The following CA1 variants were observed in gnomAD, a reference collection of about 807,000 sequenced individuals.
The protein encoded by CA1 is carbonic anhydrase 1.
CA1 carries 27 observed loss-of-function variants against 28.8 expected under a neutral mutation model. The ratio of observed to expected loss-of-function variants is 0.94; its 90% CI spans 0.69 to 1.29. CA1 has a LOEUF of 1.29. Ranked by LOEUF, CA1 falls within the 50% of genes most tolerant of loss-of-function variation. The pLI is 0.00. For synonymous variants in CA1, 121 were observed against 108.8 expected (o/e 1.11, Z -0.70); for missense variants, 335 against 310.5 (o/e 1.08, Z -0.59).
intron 1 of CA1, among the ~76,000 whole-genome samples, chr8:85,346,413 T>A (rs1437982147): frequency 6.6e-6 from 1 of 152,206 alleles, no homozygotes; most frequent in Non-Finnish European, 1.5e-5. Flanking sequence ...ATAATGACAC[T>A]ATTAAGTAAC....
At chr8:85,360,509 T>C (rs1459286367) in intron 1 of CA1, among the ~76,000 whole-genome samples, 1 of 151,996 alleles carries the variant, frequency 6.6e-6, no homozygotes, top group East Asian at 1.9e-4. Context: ...CCGGGCAACA[T>C]GGCAAAACCC....
In CA1 at chr8:85,344,081, G is replaced by GTATATATATATA. The variant is rs56308220; in HGVS notation, c.-24-2434_-24-2423dup. On this transcript the variant is annotated intron_variant, in intron 1 of 7. Coordinates refer to ENST00000523022, the MANE Select transcript of CA1 (RefSeq NM_001128831.4). ...CAGACTCTGCTCTTCTAAACTAAAA[G>GTATATATATATA]TATATATATATATATATACTTTTAA... Among the ~76,000 whole-genome samples the GTATATATATATA allele has an allele frequency of 3.0e-4, 38 of 128,572 alleles. 1 individual carries two copies. Among genetic ancestry groups the GTATATATATATA allele is most frequent in the East Asian group, 2.7e-3 (12 of 4,422 alleles). The allele number at this position is 128,572 out of a possible 152,430, so 84.3% of individuals were successfully genotyped here. A position where few individuals can be genotyped will look rare whatever the true frequency, so the allele number is the denominator to read the frequency against.
chr8:85,366,860 G>GTT (rs1376427889), intron 1 of CA1, among the ~76,000 whole-genome samples: 2 of 152,218 alleles, frequency 1.3e-5, no homozygotes, highest in African/African-American at 4.8e-5. Context: ...TGTAGTCAGT[G>GTT]AAGAGAGATT....
chr8:85,349,650 G>A (rs143805946), intron 1 of CA1, among the ~76,000 whole-genome samples: 59 of 152,284 alleles, frequency 3.9e-4, no homozygotes, highest in Admixed American at 7.2e-4. Flanking sequence ...TCCACAGCTA[G>A]CCTGCCCAGC....
rs903884667 is a variant in CA1, at chr8:85,332,684, A to G, written c.451-132T>C. 10 of 703,980 alleles carry G rather than the reference A, an allele frequency of 1.4e-5. No homozygotes were observed. In the African/African-American group the frequency reaches 1.6e-4, roughly 11 times the overall value. 43.6% of individuals were successfully genotyped at this position (703,980 alleles called of 1,614,324 possible). A position where few individuals can be genotyped will look rare whatever the true frequency, so the allele number is the denominator to read the frequency against. ...TATTTTCTCTCTGCTTTAGAAGGGG[A>G]GATTTTTCAAGCTGTATGTCTTTGA... On this transcript the variant is annotated intron_variant, in intron 5 of 7. Coordinates refer to ENST00000523022, the MANE Select transcript of CA1 (RefSeq NM_001128831.4).
rs187417035 is a variant in CA1, at chr8:85,329,943, A to G, written c.514-99T>C. ...TATTATCTTGTTATACATTATTTAGAGATTTTAGCTAAGAGTCATTGATTT... is the reference window on the plus strand; with the variant it reads ...TATTATCTTGTTATACATTATTTAGGGATTTTAGCTAAGAGTCATTGATTT... On this transcript the variant is annotated intron_variant, in intron 6 of 7. Coordinates refer to ENST00000523022, the MANE Select transcript of CA1 (RefSeq NM_001128831.4). 2.3e-3 allele frequency: 2,378 copies of G among 1,035,632 alleles called. 19 individuals carry two copies. The highest frequency in any genetic ancestry group is 3.7e-3 in the South Asian group (268 of 71,496). The allele number at this position is 1,035,632 out of a possible 1,614,324, so 64.2% of individuals were successfully genotyped here. A position where few individuals can be genotyped will look rare whatever the true frequency, so the allele number is the denominator to read the frequency against.
intron 6 of CA1, among the ~76,000 whole-genome samples, chr8:85,331,812 C>A (rs2130132365): frequency 6.6e-6 from 1 of 152,030 alleles, no homozygotes; most frequent in African/African-American, 2.4e-5. Flanking sequence ...CTAATTATTT[C>A]CTTATATTTT....
At chr8:85,333,495 A>C (rs765035863) in intron 5 of CA1, 30 bp downstream of exon 5, 2 of 1,322,036 alleles carry the variant, frequency 1.5e-6, no homozygotes, top group Admixed American at 3.4e-5. Context: ...AGACAGTGGA[A>C]GCAGAGCTGT....
intron 7 of CA1, among the ~76,000 whole-genome samples, chr8:85,329,429 T>A (rs1808303644): frequency 6.6e-6 from 1 of 152,198 alleles, no homozygotes; most frequent in African/African-American, 2.4e-5. Flanking sequence ...AGAAGATATT[T>A]AACAAGGTTG....
chr8:85,348,384 T>A (rs1043865869), intron 1 of CA1, among the ~76,000 whole-genome samples: 1 of 152,216 alleles, frequency 6.6e-6, no homozygotes, highest in Non-Finnish European at 1.5e-5. Context: ...ACAGGTACAA[T>A]AACTAAATGC....
rs117019855 is a variant in CA1, at chr8:85,345,293, G to A, written c.-24-3634C>T. Reference sequence around the variant, plus strand: ...CAGATTGCTCTGTACCCAGACCTTTGTATAGCCTCAAATATCTCCTGCTTA... The same window carrying A: ...CAGATTGCTCTGTACCCAGACCTTTATATAGCCTCAAATATCTCCTGCTTA... On this transcript the variant is annotated intron_variant, in intron 1 of 7. Coordinates refer to ENST00000523022, the MANE Select transcript of CA1 (RefSeq NM_001128831.4). Among the ~76,000 whole-genome samples, 138 of 152,230 alleles carry A rather than the reference G, an allele frequency of 9.1e-4. No homozygotes were observed. In the East Asian group the frequency reaches 0.024, roughly 27 times the overall value.
chr8:85,375,561 T>C (rs965547825), intron 1 of CA1, among the ~76,000 whole-genome samples: 1 of 148,018 alleles, frequency 6.8e-6, no homozygotes, highest in Non-Finnish European at 1.5e-5. Flanking sequence ...TTAGAACAAA[T>C]GTTGGCATGA....
intron 6 of CA1, 79 bp from the exon 7 acceptor site, chr8:85,329,923 T>A: frequency 8.7e-7 from 1 of 1,149,426 alleles, no homozygotes; most frequent in African/African-American, 1.5e-5. Context: ...TGCTATATTA[T>A]CTTGTTATAC....
chr8:85,357,930 G>A lies in CA1; in HGVS notation c.-24-16271C>T, dbSNP rs142035900. On this transcript the variant is annotated intron_variant, in intron 1 of 7. Coordinates refer to ENST00000523022, the MANE Select transcript of CA1 (RefSeq NM_001128831.4). ...CTGTGGTCATGCTTTCAACCTGCACGAGTGACTGTGTGAATTCATTTATTT... is the reference window on the plus strand; with the variant it reads ...CTGTGGTCATGCTTTCAACCTGCACAAGTGACTGTGTGAATTCATTTATTT... 1.5e-3 allele frequency among the ~76,000 whole-genome samples: 225 copies of A among 152,334 alleles called. 1 individual carries two copies. Among genetic ancestry groups the A allele is most frequent in the African/African-American group, 5.1e-3 (212 of 41,582 alleles).
At chr8:85,332,399 C>T (rs1489267090) in intron 6 of CA1, 91 bp downstream of exon 6, 1 of 1,016,338 alleles carries the variant, frequency 9.8e-7, no homozygotes, top group Non-Finnish European at 1.5e-6. Context: ...TATGGCCTTC[C>T]TACTCCCCAG....
intron 1 of CA1, among the ~76,000 whole-genome samples, chr8:85,345,485 A>G (rs1037125760): frequency 3.3e-5 from 5 of 152,234 alleles, no homozygotes; most frequent in African/African-American, 4.8e-5. Context: ...CATCTCTATG[A>G]TATGATAAAA....
chr8:85,344,306 ATATATTATACAGTATATAAT>A (rs747930235), intron 1 of CA1, among the ~76,000 whole-genome samples: 39,588 of 78,246 alleles, frequency 0.51, 10,242 homozygotes, highest in Non-Finnish European at 0.58. Context: ...TAATATAATT[ATATATTATACAGTATATAAT>A]ATATAATTTG....
chr8:85,376,551 A>G (rs1267101265), intron 1 of CA1, among the ~76,000 whole-genome samples: 2 of 149,788 alleles, frequency 1.3e-5, no homozygotes, highest in Non-Finnish European at 3.0e-5. Flanking sequence ...AGTCCCAGGT[A>G]CTCCGGAGAC....
intron 1 of CA1, chr8:85,342,812 A>C (rs1585930153): frequency 1.3e-5 from 2 of 152,192 alleles, no homozygotes; most frequent in East Asian, 3.8e-4. Flanking sequence ...GGATTGTCTG[A>C]GCTGCTGCAA....
Sources: allele counts gnomAD v4.1 joint callset (sites outside exome capture counted in the v4.1 genomes callset), GRCh38; gene constraint gnomAD v4.1.1; transcripts MANE v1.5; gene names NCBI Gene and HGNC (gene_info 2026-07-23, HGNC 2026-07-21).